The following SBF2 variants were observed in gnomAD, a reference collection of about 807,000 sequenced individuals.
SBF2 encodes the protein myotubularin-related protein 13.
Under a neutral mutation model 225.2 loss-of-function variants are expected in SBF2, and 112 were observed. The ratio of observed to expected loss-of-function variants is 0.50; its 90% CI spans 0.43 to 0.58. SBF2 has a LOEUF of 0.58. SBF2 is among the 20% of genes least tolerant of loss of function. The probability of loss-of-function intolerance (pLI) is 0.00; values close to 1 mark genes in which losing one functional copy is unlikely to be tolerated. For missense variants in SBF2, 1,996 were observed against 2,206.2 expected, an observed-to-expected ratio of 0.90 and a Z score of 1.91; for synonymous variants, 763 against 773.3, an observed-to-expected ratio of 0.99 and a Z score of 0.22.
intron 6 of SBF2, among the ~76,000 whole-genome samples, chr11:10,023,011 C>T (rs1732188160): frequency 6.6e-6 from 1 of 152,078 alleles, no homozygotes; most frequent in Admixed American, 6.5e-5. Flanking sequence ...TCTGTGGTAA[C>T]AGCTGTTGAT....
In SBF2 at chr11:9,839,559, G is replaced by A. The variant is rs542885230; in HGVS notation, c.3394C>T (p.Arg1132Cys). 21 of 1,614,148 alleles carry A rather than the reference G, an allele frequency of 1.3e-5. No individual in the cohort carries two copies. Among genetic ancestry groups the A allele is most frequent in the South Asian group, 8.8e-5 (8 of 91,068 alleles). The stretch of plus-strand genomic sequence containing the variant: ...ATTCTAAAATACTCGGGTCTTGAAC[G>A]GGAAGAGCTGCCACTTATGGTTCCT... ...GLGTISGSSS[R>C]SRPEYFRITA... The change falls in exon 26 of 40, where the codon CGT becomes TGT. Residue 1132 changes from arginine (R) to cysteine (C), a missense_variant. Coordinates refer to ENST00000256190, the MANE Select transcript of SBF2 (RefSeq NM_030962.4).
chr11:9,896,405 T>A (rs1477603318), intron 16 of SBF2, among the ~76,000 whole-genome samples: 1 of 152,190 alleles, frequency 6.6e-6, no homozygotes, highest in Non-Finnish European at 1.5e-5. Context: ...GAGTCTAAGA[T>A]ACATTTTTTT....
intron 2 of SBF2, among the ~76,000 whole-genome samples, chr11:10,148,145 A>G (rs2135161015): frequency 6.6e-6 from 1 of 152,294 alleles, no homozygotes; most frequent in East Asian, 1.9e-4. Context: ...TACTGCTATA[A>G]CCCAAATCTC....
intron 1 of SBF2, among the ~76,000 whole-genome samples, chr11:10,299,709 T>C (rs1294656038): frequency 6.7e-6 from 1 of 149,694 alleles, no homozygotes; most frequent in Admixed American, 6.7e-5. Context: ...TGAGTATGTG[T>C]ATGTGGGGAG....
chr11:9,887,857 G>A (rs1387202656), intron 17 of SBF2, among the ~76,000 whole-genome samples: 1 of 150,832 alleles, frequency 6.6e-6, no homozygotes, highest in Non-Finnish European at 1.5e-5. Context: ...CCTATTGTAG[G>A]AAATGCGATG....
At position 9,793,477 on chromosome 11, in the gene SBF2, C is replaced by G. The variant is rs115870217; in HGVS notation, c.4570+2354G>C. On this transcript the variant is annotated intron_variant, in intron 33 of 39. Coordinates refer to ENST00000256190, the MANE Select transcript of SBF2 (RefSeq NM_030962.4). ...CGATCTCAGCTCACTGCAACCTCTG[C>G]CTCATGGGGTCAAGAAGTTCTCGTG... 4.6e-3 allele frequency among the ~76,000 whole-genome samples: 703 copies of G among 152,276 alleles called. 7 individuals carry two copies. The highest frequency in any genetic ancestry group is 0.016 in the African/African-American group (668 of 41,538).
chr11:10,097,670 C>T (rs1202823534), intron 2 of SBF2, among the ~76,000 whole-genome samples: 4 of 152,056 alleles, frequency 2.6e-5, no homozygotes, highest in African/African-American at 4.8e-5. Flanking sequence ...CCCAAAAGTC[C>T]AGCAGATATG....
intron 33 of SBF2, among the ~76,000 whole-genome samples, chr11:9,794,573 G>T (rs545067437): frequency 4.2e-4 from 62 of 148,346 alleles, no homozygotes; most frequent in African/African-American, 1.5e-3. Flanking sequence ...GCTGAGGCAG[G>T]AGAATTGCCT....
intron 16 of SBF2, chr11:9,929,136 C>T (rs1358901053): frequency 3.9e-6 from 1 of 257,624 alleles, no homozygotes; most frequent in African/African-American, 2.3e-5. Flanking sequence ...CAAAGCTCAT[C>T]CTTTTACAAC....
chr11:10,064,018 G>A (rs1009796297), intron 2 of SBF2, among the ~76,000 whole-genome samples: 5 of 152,062 alleles, frequency 3.3e-5, no homozygotes, highest in Non-Finnish European at 5.9e-5. Flanking sequence ...AAATATGACT[G>A]CATAAAACAA....
chr11:9,966,756 C>T (rs1448106534), intron 14 of SBF2, among the ~76,000 whole-genome samples: 2 of 152,074 alleles, frequency 1.3e-5, no homozygotes, highest in Non-Finnish European at 2.9e-5. Context: ...AGTGAAATGA[C>T]CAATAGCACA....
intron 2 of SBF2, among the ~76,000 whole-genome samples, chr11:10,138,084 A>G (rs1467074137): frequency 6.6e-6 from 1 of 152,184 alleles, no homozygotes; most frequent in Non-Finnish European, 1.5e-5. Context: ...GTCTTTAAAC[A>G]TTTAATATAA....
intron 6 of SBF2, among the ~76,000 whole-genome samples, chr11:10,026,362 T>C (rs1949054544): frequency 6.6e-6 from 1 of 152,132 alleles, no homozygotes; most frequent in Non-Finnish European, 1.5e-5. Flanking sequence ...AGGTGAATGG[T>C]TCTTGGCTAA....
intron 2 of SBF2, chr11:10,149,353 G>GT (rs1955054284): frequency 6.6e-6 from 1 of 152,014 alleles, no homozygotes; most frequent in South Asian, 2.1e-4. Flanking sequence ...ATTTTTGAGA[G>GT]TTTAAAAACA....
chr11:9,836,853 T>C (rs546948326), intron 26 of SBF2, among the ~76,000 whole-genome samples: 62 of 152,318 alleles, frequency 4.1e-4, no homozygotes, highest in African/African-American at 1.5e-3. Context: ...AATACCAAAA[T>C]AGCATCACTT....
intron 2 of SBF2, among the ~76,000 whole-genome samples, chr11:10,081,759 C>G (rs74369159): frequency 1.7e-5 from 2 of 120,542 alleles, no homozygotes; most frequent in African/African-American, 6.5e-5. Flanking sequence ...GACTCCACCT[C>G]AAAAAAAAAA....
At chr11:10,234,324 T>C (rs1958975096) in intron 1 of SBF2, among the ~76,000 whole-genome samples, 1 of 152,178 alleles carries the variant, frequency 6.6e-6, no homozygotes, top group Non-Finnish European at 1.5e-5. Context: ...TGAGCCAATA[T>C]CCTATCTTGA....
chr11:10,183,891 G>C (rs1461210410), intron 2 of SBF2, among the ~76,000 whole-genome samples: 1 of 152,202 alleles, frequency 6.6e-6, no homozygotes, highest in Non-Finnish European at 1.5e-5. Flanking sequence ...CAGAGTCATA[G>C]CTAAATGGGA....
intron 16 of SBF2, among the ~76,000 whole-genome samples, chr11:9,953,111 C>A (rs57592322): frequency 0.012 from 1,876 of 152,284 alleles, 43 homozygotes; most frequent in African/African-American, 0.043. Context: ...AAATGCGGAG[C>A]CAACCCAAAT....
Sources: gnomAD v4.1 joint callset for allele counts (sites outside exome capture counted in the v4.1 genomes callset) on GRCh38, gnomAD v4.1.1 for gene constraint, MANE v1.5 for transcripts, NCBI Gene and HGNC (gene_info 2026-07-23, HGNC 2026-07-21) for gene names.